The following MLXIP variants were observed in gnomAD, a reference collection of about 807,000 sequenced individuals.
MLXIP encodes the protein MLX-interacting protein.
Under a neutral mutation model 87.2 loss-of-function variants are expected in MLXIP, and 30 were observed. The ratio of observed to expected loss-of-function variants is 0.34; its 90% CI spans 0.26 to 0.47. The LOEUF (loss-of-function observed/expected upper bound fraction) is 0.47, where lower values mean the gene tolerates loss of function less well. MLXIP is among the 20% of genes least tolerant of loss of function. MLXIP has a pLI of 1.00. For synonymous variants in MLXIP, 530 were observed against 514.0 expected (o/e 1.03, Z -0.42); for missense variants, 1,002 against 1,240.1 (o/e 0.81, Z 2.88).
chr12:122,137,502 C>T lies in MLXIP; in HGVS notation c.2066C>T (p.Pro689Leu), dbSNP rs747511579. 1.8e-5 allele frequency: 29 copies of T among 1,613,978 alleles called. No homozygotes were observed. Among genetic ancestry groups the T allele is most frequent in the East Asian group, 6.7e-5 (3 of 44,884 alleles). Residue 689 changes from proline to leucine, a missense_variant, in exon 12 of 17, where the codon CCG becomes CTG. This residue lies in a region of MLXIP where 746 missense variants were observed against 897.0 expected (regional missense o/e 0.83). Transcript: ENST00000319080. The surrounding 1 kb of genome is among the most constrained non-coding windows in gnomAD (Gnocchi z 4.1). ...RDCPNSGQAS[P>L]CASEQSPSPQ... is the part of the protein sequence containing the mutation. The stretch of plus-strand genomic sequence containing the variant: ...TGCCCAAACTCAGGGCAGGCCTCTC[C>T]GTGTGCATCGGAGCAGAGCCCCAGT...
At chr12:122,126,575 G>A (rs550174241) in intron 1 of MLXIP, among the ~76,000 whole-genome samples, 123 of 152,278 alleles carry the variant, frequency 8.1e-4, no homozygotes, top group Non-Finnish European at 1.6e-3. Context: ...GGGATGCTCG[G>A]GTACTTGGAT....
At chr12:122,121,010 GTTT>G (rs1233404015) in intron 1 of MLXIP, among the ~76,000 whole-genome samples, 64 of 111,892 alleles carry the variant, frequency 5.7e-4, no homozygotes, top group African/African-American at 1.0e-3. Context: ...TGCATGCTTG[GTTT>G]TTTTTTTTTT....
intron 1 of MLXIP, among the ~76,000 whole-genome samples, chr12:122,106,750 C>T (rs1413755445): frequency 6.6e-6 from 1 of 151,786 alleles, no homozygotes; most frequent in Non-Finnish European, 1.5e-5. Flanking sequence ...TACAGGCCTG[C>T]ACCTCCAAGC....
intron 1 of MLXIP, among the ~76,000 whole-genome samples, chr12:122,122,836 C>T (rs543009659): frequency 2.5e-4 from 38 of 150,888 alleles, no homozygotes; most frequent in Non-Finnish European, 4.3e-4. Context: ...CGTGAGCTAC[C>T]GTGCCCGGCC....
At chr12:122,121,071 G>T (rs1239804317) in intron 1 of MLXIP, among the ~76,000 whole-genome samples, 1 of 134,102 alleles carries the variant, frequency 7.5e-6, no homozygotes, top group Non-Finnish European at 1.5e-5. Context: ...ATGCAGTGGT[G>T]CCATCTTGGC....
Position 122,133,893 on chromosome 12 carries a change from G to A in MLXIP, c.1638G>A (p.Leu546=). 6.2e-7 allele frequency: 1 copy of A among 1,610,826 alleles called. No homozygotes were observed. Residue 546 remains leucine, a synonymous_variant, in exon 9 of 17, where the codon TTG becomes TTA. Transcript: ENST00000319080. This position sits in a 1 kb window ranked among gnomAD's most constrained non-coding sequence, Gnocchi z 4.9. ...TTGTGCACCCCAAACCTGTATCCTT[G>A]ACTGGGGGCAGGCCTAAGCAGCCCC... ...LTFVHPKPVS[L]TGGRPKQPHK... is the part of the protein sequence containing the mutation.
At position 122,129,188 on chromosome 12, in the gene MLXIP, C is replaced by T. The variant is rs1474559076; in HGVS notation, c.658C>T (p.Arg220Trp). 2.5e-5 allele frequency: 40 copies of T among 1,611,496 alleles called. No homozygotes were observed. Among genetic ancestry groups the T allele is most frequent in the Non-Finnish European group, 3.2e-5 (38 of 1,178,968 alleles). The change falls in exon 4 of 17, where the codon CGG (arginine) becomes TGG (tryptophan). Residue 220 changes from arginine to tryptophan, a missense_variant. Transcript: ENST00000319080. Reference sequence around the variant, plus strand: ...GAAGAGCCGCATCGAGATTGTGATCCGGGAGTATCACAAGTGGAGAACCTA... The same window carrying T: ...GAAGAGCCGCATCGAGATTGTGATCTGGGAGTATCACAAGTGGAGAACCTA... ...YWKSRIEIVIREYHKWRTYFK... is the reference protein window; with the variant it reads ...YWKSRIEIVIWEYHKWRTYFK...
rs1953028855 is a variant in MLXIP at position 122,133,758 on chromosome 12, T to C, written c.1503T>C (p.Phe501=). 6.2e-7 allele frequency: 1 copy of C among 1,613,440 alleles called. No homozygotes were observed. The highest frequency in any genetic ancestry group is 1.3e-5 in the African/African-American group (1 of 75,040). The part of the protein sequence containing the change: ...TLTHDAPATT[F]SQSQGLVITT... ...CCCACGATGCCCCCGCCACCACCTTTAGCCAGAGTCAGGGCCTTGTGATCA... is the reference window on the plus strand; with the variant it reads ...CCCACGATGCCCCCGCCACCACCTTCAGCCAGAGTCAGGGCCTTGTGATCA... The change falls in exon 9 of 17, where the codon TTT becomes TTC. Residue 501 remains phenylalanine, a synonymous_variant. Transcript: ENST00000319080. The surrounding 1 kb of genome is among the most constrained non-coding windows in gnomAD (Gnocchi z 4.9).
At chr12:122,124,726 A>T (rs576882746) in intron 1 of MLXIP, among the ~76,000 whole-genome samples, 1 of 149,780 alleles carries the variant, frequency 6.7e-6, no homozygotes, top group Non-Finnish European at 1.5e-5. Flanking sequence ...AATCAAAACA[A>T]TTTTTTTTTT....
intron 1 of MLXIP, 22 bp from the exon 2 acceptor site, chr12:122,127,234 C>T: frequency 1.3e-6 from 2 of 1,584,204 alleles, no homozygotes; most frequent in South Asian, 1.1e-5. Context: ...ACTGAGTCTC[C>T]CCGCTTTGCC....
chr12:122,130,452 G>A (rs7485380), intron 6 of MLXIP, among the ~76,000 whole-genome samples: 67,259 of 150,990 alleles, frequency 0.45, 15,253 homozygotes, highest in Middle Eastern at 0.63. Flanking sequence ...CGGCCGGGCC[G>A]TGACTCATGC....
Position 122,135,340 on chromosome 12 carries a change from G to T in MLXIP, c.1849G>T (p.Ala617Ser). 6.2e-7 allele frequency: 1 copy of T among 1,612,728 alleles called. No individual in the cohort carries two copies. The stretch of plus-strand genomic sequence containing the variant: ...CGTGGTCATTGCGCCTGCTGCCATC[G>T]CCAGGGTGAGGAGGGCCCTAGGCAG... ...SNVVIAPAAI[A>S]RAPGVPEFHS... The change falls in exon 10 of 17, where the codon GCC (alanine) becomes TCC (serine). Residue 617 changes from alanine to serine, a missense_variant. This residue lies in a region of MLXIP where 746 missense variants were observed against 897.0 expected (regional missense o/e 0.83). Coordinates refer to ENST00000319080, the MANE Select transcript of MLXIP (RefSeq NM_014938.6). The surrounding 1 kb of genome is among the most constrained non-coding windows in gnomAD (Gnocchi z 5.3).
At position 122,137,974 on chromosome 12, in the gene MLXIP, C is replaced by T. The variant is rs1357543169; in HGVS notation, c.2155-220C>T. On this transcript the variant is annotated intron_variant, in intron 12 of 16. Coordinates refer to ENST00000319080, the MANE Select transcript of MLXIP (RefSeq NM_014938.6). This position sits in a 1 kb window ranked among gnomAD's most constrained non-coding sequence, Gnocchi z 4.1. ...TGCACCGGTTCAGCCCTGCCGTTCC[C>T]AGCCCCAGCTGTGCACCATTCTGCA... Among the ~76,000 whole-genome samples the T allele has an allele frequency of 1.3e-5, 2 of 152,192 alleles. No homozygotes were observed. The highest frequency in any genetic ancestry group is 4.8e-5 in the African/African-American group (2 of 41,446).
intron 1 of MLXIP, among the ~76,000 whole-genome samples, chr12:122,121,565 C>T (rs1376936309): frequency 2.6e-5 from 4 of 152,066 alleles, no homozygotes; most frequent in African/African-American, 7.2e-5. Flanking sequence ...CCACCGTGCC[C>T]GGCCTCTGCC....
chr12:122,141,772 A>T lies in MLXIP; in HGVS notation c.2720A>T (p.Lys907Met). ...DPAQLPEQAS[K>M]AVTRIGKRLG... ...GCACAGCTGCCAGAGCAGGCGTCCA[A>T]GGCTGTCACCAGGATTGGCAAGAGA... The change falls in exon 17 of 17, where the codon AAG (lysine) becomes ATG (methionine). Residue 907 changes from lysine to methionine, a missense_variant. Around this residue, in one of 3 missense-constraint regions of MLXIP, gnomAD observed 746 missense variants for 897.0 expected, o/e 0.83. Transcript: ENST00000319080. 1 of 1,613,868 alleles carries T rather than the reference A, an allele frequency of 6.2e-7. No individual in the cohort carries two copies. The highest frequency in any genetic ancestry group is 8.5e-7 in the Non-Finnish European group (1 of 1,179,886).
chr12:122,079,460 A>G (rs1952060356), intron 1 of MLXIP, among the ~76,000 whole-genome samples, 194 bp downstream of exon 1: 1 of 152,170 alleles, frequency 6.6e-6, no homozygotes, highest in Non-Finnish European at 1.5e-5. Context: ...TTCCCCTGCC[A>G]GCAGTGCCGG....
intron 1 of MLXIP, among the ~76,000 whole-genome samples, chr12:122,105,387 G>T (rs1952504056): frequency 6.6e-6 from 1 of 150,612 alleles, no homozygotes; most frequent in Admixed American, 6.6e-5. Flanking sequence ...CGCTCTTGTT[G>T]CCCAGGCTGG....
At chr12:122,114,834 C>T (rs1009372050) in intron 1 of MLXIP, among the ~76,000 whole-genome samples, 2 of 151,822 alleles carry the variant, frequency 1.3e-5, no homozygotes, top group African/African-American at 4.8e-5. Context: ...CAACCCCCAC[C>T]TCCCGGGTTC....
chr12:122,105,918 G>T (rs28652632), intron 1 of MLXIP, among the ~76,000 whole-genome samples: 77,169 of 151,798 alleles, frequency 0.51, 20,129 homozygotes, highest in Middle Eastern at 0.64. Flanking sequence ...TTCTGTCATC[G>T]TTTTGGACTA....
Sources: gnomAD v4.1 joint callset for allele counts (sites outside exome capture counted in the v4.1 genomes callset) on GRCh38, gnomAD v4.1.1 for gene constraint, gnomAD v4.1.1 regional missense constraint, Gnocchi (gnomAD v3.1) non-coding constraint, MANE v1.5 for transcripts, NCBI Gene and HGNC (gene_info 2026-07-23, HGNC 2026-07-21) for gene names.